NAV3: variants seen among roughly 807,000 people sequenced by gnomAD.
NAV3 encodes neuron navigator 3.
In NAV3, 87 loss-of-function variants were observed where a neutral mutation model predicts 244.7. The observed-to-expected ratio is 0.36, with a 90% CI of 0.30 to 0.42. The LOEUF is 0.42. Ranked by LOEUF, NAV3 falls within the 20% of genes least tolerant of loss-of-function variation. The probability of loss-of-function intolerance (pLI) is 1.00; values close to 1 mark genes in which losing one functional copy is unlikely to be tolerated. For synonymous variants in NAV3, 1,126 were observed against 1,042.2 expected, an observed-to-expected ratio of 1.08 and a Z score of -1.55; for missense variants, 2,663 against 2,893.3, an observed-to-expected ratio of 0.92 and a Z score of 1.83.
chr12:77,921,318 A>C lies in NAV3; in HGVS notation c.244-19001A>C, dbSNP rs552179689. 3.3e-5 allele frequency among the ~76,000 whole-genome samples: 5 copies of C among 152,208 alleles called. No homozygotes were observed. In the East Asian group the frequency reaches 9.7e-4, roughly 29 times the overall value. ...CAGTTAAGGCAATACCGACTGTGAAATAGTTCATGAAGTCATAGAGATGCA... is the reference window on the plus strand; with the variant it reads ...CAGTTAAGGCAATACCGACTGTGAACTAGTTCATGAAGTCATAGAGATGCA... On this transcript the variant is annotated intron_variant, in intron 1 of 39. Transcript: ENST00000397909.
At chr12:77,875,021 T>G (rs1187558473) in intron 1 of NAV3, among the ~76,000 whole-genome samples, 1 of 152,104 alleles carries the variant, frequency 6.6e-6, no homozygotes, top group Non-Finnish European at 1.5e-5. Context: ...ACAAACCAAT[T>G]AACAAGATTA....
chr12:77,834,097 TG>T (rs1874207998), intron 1 of NAV3, among the ~76,000 whole-genome samples: 1 of 152,120 alleles, frequency 6.6e-6, no homozygotes, highest in South Asian at 2.1e-4. Context: ...AGGCACAGAA[TG>T]GGGAGGTGGT....
At chr12:77,948,046 A>G (rs572790067) in intron 3 of NAV3, among the ~76,000 whole-genome samples, 21 of 152,174 alleles carry the variant, frequency 1.4e-4, no homozygotes, top group African/African-American at 4.3e-4. Flanking sequence ...TCTAAAGTCA[A>G]TTGGAACTCT....
At chr12:78,013,894 T>C (rs1593279556) in intron 8 of NAV3, among the ~76,000 whole-genome samples, 1 of 152,076 alleles carries the variant, frequency 6.6e-6, no homozygotes, top group African/African-American at 2.4e-5. Flanking sequence ...AAACTCCTTT[T>C]TTTATTGTTC....
At chr12:77,587,366 A>G (rs1465379531) in intron 2 of NAV3, among the ~76,000 whole-genome samples, 1 of 152,210 alleles carries the variant, frequency 6.6e-6, no homozygotes, top group African/African-American at 2.4e-5. Flanking sequence ...AATATTTTCC[A>G]TCATTTTAGC....
intron 2 of NAV3, among the ~76,000 whole-genome samples, chr12:77,588,426 A>T (rs1730278929): frequency 6.6e-6 from 1 of 152,090 alleles, no homozygotes; most frequent in Non-Finnish European, 1.5e-5. Context: ...ACCAATAAGT[A>T]TTTACTGTTA....
At chr12:77,996,430 T>C (rs957810968) in intron 6 of NAV3, among the ~76,000 whole-genome samples, 8 of 152,234 alleles carry the variant, frequency 5.3e-5, no homozygotes, top group Non-Finnish European at 8.8e-5. Flanking sequence ...TATGACACAA[T>C]GTCCAATTAG....
chr12:77,693,685 C>T (rs1805377885), intron 2 of NAV3, among the ~76,000 whole-genome samples: 1 of 152,026 alleles, frequency 6.6e-6, no homozygotes, highest in Non-Finnish European at 1.5e-5. Flanking sequence ...ATTTGCTATG[C>T]CTGATTGGCC....
In NAV3 at chr12:77,940,513, G is replaced by A. The variant is rs938174678; in HGVS notation, c.361+77G>A. Reference sequence around the variant, plus strand: ...TGGTAAAGCACAACTTAAGTTAAGCGCCTTACTGAACTGGTCCATGTGTCT... The same window carrying A: ...TGGTAAAGCACAACTTAAGTTAAGCACCTTACTGAACTGGTCCATGTGTCT... On this transcript the variant is annotated intron_variant, in intron 2 of 39. Coordinates refer to ENST00000397909, the MANE Select transcript of NAV3 (RefSeq NM_001024383.2). 39 of 1,111,660 alleles carry A rather than the reference G, an allele frequency of 3.5e-5. No individual in the cohort carries two copies. In the Middle Eastern group the frequency reaches 6.2e-4, roughly 18 times the overall value. The allele number at this position is 1,111,660 out of a possible 1,614,324, so 68.9% of individuals were successfully genotyped here. A position where few individuals can be genotyped will look rare whatever the true frequency, so the allele number is the denominator to read the frequency against.
intron 10 of NAV3, 149 bp from the exon 11 acceptor site, chr12:78,050,615 A>C: frequency 1.2e-6 from 1 of 815,104 alleles, no homozygotes; most frequent in Middle Eastern, 2.4e-4. Context: ...CCACAATTTG[A>C]CCTCAAAATG....
At chr12:77,584,324 G>T (rs1191661143) in intron 2 of NAV3, among the ~76,000 whole-genome samples, 1 of 151,994 alleles carries the variant, frequency 6.6e-6, no homozygotes, top group African/African-American at 2.4e-5. Flanking sequence ...GTCTTATGAG[G>T]ACTTAACAAA....
intron 3 of NAV3, among the ~76,000 whole-genome samples, chr12:77,956,810 C>T (rs1891407228): frequency 1.3e-5 from 2 of 151,502 alleles, no homozygotes; most frequent in South Asian, 2.1e-4. Flanking sequence ...TGTGTGATCT[C>T]GGCTCACTGC....
chr12:78,073,059 G>T (rs1369874257), intron 12 of NAV3, among the ~76,000 whole-genome samples: 3 of 134,302 alleles, frequency 2.2e-5, no homozygotes, highest in African/African-American at 5.4e-5. Flanking sequence ...AGCTATCTAT[G>T]ACAAACCCAC....
At chr12:77,889,890 A>G (rs1482084165) in intron 1 of NAV3, among the ~76,000 whole-genome samples, 1 of 152,166 alleles carries the variant, frequency 6.6e-6, no homozygotes, top group Non-Finnish European at 1.5e-5. Context: ...TACATAGATC[A>G]GCCGTTATAA....
At chr12:78,124,127 A>G (rs1267724029) in intron 16 of NAV3, among the ~76,000 whole-genome samples, 1 of 152,236 alleles carries the variant, frequency 6.6e-6, no homozygotes, top group East Asian at 1.9e-4. Flanking sequence ...TATTAAGATA[A>G]TCTGCAACAA....
rs36066459 is a variant in NAV3, at chr12:77,610,995, G to GA, written c.72+38741dup. Among the ~76,000 whole-genome samples, 277 of 129,974 alleles carry GA rather than the reference G, an allele frequency of 2.1e-3. 1 individual carries two copies. Among genetic ancestry groups the GA allele is most frequent in the Middle Eastern group, 4.2e-3 (1 of 236 alleles). 85.3% of individuals were successfully genotyped at this position (129,974 alleles called of 152,430 possible). On this transcript the variant is annotated intron_variant, in intron 2 of 8. Coordinates refer to the NAV3 transcript ENST00000550042. ...CAGATAATATTGAAAACCTCCATTA[G>GA]AAAAAAAAAAAACCTATTAGAAAAA... is the stretch of plus-strand genomic sequence containing the variant.
intron 3 of NAV3, among the ~76,000 whole-genome samples, chr12:77,960,473 A>G (rs1398369946): frequency 6.7e-6 from 1 of 149,888 alleles, no homozygotes; most frequent in Non-Finnish European, 1.5e-5. Flanking sequence ...ACACACACAT[A>G]TACATAAACA....
At chr12:77,935,087 A>G (rs1889195207) in intron 1 of NAV3, among the ~76,000 whole-genome samples, 1 of 152,192 alleles carries the variant, frequency 6.6e-6, no homozygotes, top group South Asian at 2.1e-4. Context: ...TAACAAAAAT[A>G]GTTATAATCA....
chr12:77,959,523 C>T (rs1158238795), intron 3 of NAV3, among the ~76,000 whole-genome samples: 3 of 151,922 alleles, frequency 2.0e-5, no homozygotes, highest in Non-Finnish European at 4.4e-5. Flanking sequence ...GTTATTGAAT[C>T]CCTACTATGT....
Sources: allele counts gnomAD v4.1 joint callset (sites outside exome capture counted in the v4.1 genomes callset), GRCh38; gene constraint gnomAD v4.1.1; transcripts MANE v1.5; gene names NCBI Gene and HGNC (gene_info 2026-07-23, HGNC 2026-07-21).